The following SRGAP3 variants were observed in gnomAD, a reference collection of about 807,000 sequenced individuals.
SRGAP3 encodes SLIT-ROBO Rho GTPase activating protein 3.
In SRGAP3, 39 loss-of-function variants were observed where a neutral mutation model predicts 121.1. The ratio of observed to expected loss-of-function variants is 0.32; its 90% CI spans 0.25 to 0.42. SRGAP3 has a LOEUF of 0.42. Ranked by LOEUF, SRGAP3 falls within the 10% of genes least tolerant of loss-of-function variation. SRGAP3 has a pLI of 1.00. For synonymous variants in SRGAP3, 601 were observed against 570.0 expected (o/e 1.05, Z -0.77); for missense variants, 1,213 against 1,470.6 (o/e 0.82, Z 2.86).
intron 10 of SRGAP3, among the ~76,000 whole-genome samples, chr3:9,046,229 T>C (rs1399755461): frequency 1.3e-5 from 2 of 152,110 alleles, no homozygotes; most frequent in African/African-American, 4.8e-5. Flanking sequence ...CAGCCCTTAC[T>C]ACCTAGAACA....
intron 1 of SRGAP3, among the ~76,000 whole-genome samples, chr3:9,356,192 C>CTT (rs929664300): frequency 2.9e-4 from 35 of 122,286 alleles, no homozygotes; most frequent in Non-Finnish European, 4.1e-4. Context: ...ACTTTTTTTT[C>CTT]TTTTTTTTTT....
intron 3 of SRGAP3, among the ~76,000 whole-genome samples, chr3:9,279,510 T>C (rs1320525607): frequency 2.4e-5 from 2 of 82,206 alleles, no homozygotes; most frequent in Non-Finnish European, 5.1e-5. Context: ...AATACCCTGA[T>C]TTTTTTTTTT....
intron 3 of SRGAP3, among the ~76,000 whole-genome samples, chr3:9,293,489 C>T (rs1258177721): frequency 6.6e-6 from 1 of 152,004 alleles, no homozygotes; most frequent in Admixed American, 6.6e-5. Context: ...AACTGCTGTC[C>T]TGATCTAATT....
chr3:9,261,117 G>A (rs1449972202), intron 3 of SRGAP3, among the ~76,000 whole-genome samples: 1 of 152,222 alleles, frequency 6.6e-6, no homozygotes. Flanking sequence ...GGGCCTGTTA[G>A]AAGGAAAGCT....
chr3:8,989,105 C>T (rs2124919108), intron 21 of SRGAP3, among the ~76,000 whole-genome samples: 1 of 152,378 alleles, frequency 6.6e-6, no homozygotes, highest in South Asian at 2.1e-4. Flanking sequence ...CACTCCCTAG[C>T]ATCCTGTGGG....
intron 1 of SRGAP3, among the ~76,000 whole-genome samples, chr3:9,149,200 C>A (rs1436218466): frequency 1.4e-4 from 18 of 126,306 alleles, no homozygotes; most frequent in Admixed American, 1.3e-3. Flanking sequence ...GGTGACAGTG[C>A]AAGACTCCGT....
In SRGAP3 at chr3:9,123,573, G is replaced by C. The variant is rs981837515; in HGVS notation, c.260+1152C>G. ...AATACAAAGATTAGTTGGGCGTGGT[G>C]GTGCACGTGGAATCTCAGCTACTCA... On this transcript the variant is annotated intron_variant, in intron 2 of 21. Coordinates refer to ENST00000383836, the MANE Select transcript of SRGAP3 (RefSeq NM_014850.4). Among the ~76,000 whole-genome samples, 11 of 151,830 alleles carry C rather than the reference G, an allele frequency of 7.2e-5. No homozygotes were observed. The East Asian group carries it at 1.9e-3, about 27-fold the overall frequency.
intron 18 of SRGAP3, among the ~76,000 whole-genome samples, chr3:8,999,509 T>C (rs62245082): frequency 0.073 from 11,057 of 152,260 alleles, 402 homozygotes; most frequent in Middle Eastern, 0.13. Context: ...GATGGCTCCA[T>C]TCCTCTCAAT....
intron 13 of SRGAP3, 95 bp from the exon 14 acceptor site, chr3:9,025,433 G>C (rs1944146121): frequency 2.3e-6 from 3 of 1,306,044 alleles, no homozygotes; most frequent in Non-Finnish European, 3.3e-6. Context: ...CCCATTGCTT[G>C]TCTCTTTCTC....
chr3:9,136,354 T>C (rs1949652041), intron 1 of SRGAP3, among the ~76,000 whole-genome samples: 2 of 148,964 alleles, frequency 1.3e-5, no homozygotes, highest in Non-Finnish European at 3.0e-5. Flanking sequence ...CGGGCCGGGG[T>C]CAGCCGCCGC....
chr3:9,339,750 G>A (rs1272126190), intron 1 of SRGAP3, among the ~76,000 whole-genome samples: 2 of 152,202 alleles, frequency 1.3e-5, no homozygotes, highest in Non-Finnish European at 2.9e-5. Context: ...CTGCCAGTTT[G>A]CAACCTCTAT....
intron 3 of SRGAP3, among the ~76,000 whole-genome samples, chr3:9,264,812 A>C (rs1184180640): frequency 6.6e-6 from 1 of 152,240 alleles, no homozygotes; most frequent in Non-Finnish European, 1.5e-5. Context: ...TAATTTATAG[A>C]TTCAGTGCTA....
At chr3:9,038,714 C>A (rs556289660) in intron 10 of SRGAP3, among the ~76,000 whole-genome samples, 1 of 152,154 alleles carries the variant, frequency 6.6e-6, no homozygotes, top group Non-Finnish European at 1.5e-5. Context: ...CTCCACGAGG[C>A]CCTCCCACCT....
At chr3:9,196,299 G>A (rs1951914328) in intron 1 of SRGAP3, among the ~76,000 whole-genome samples, 1 of 152,168 alleles carries the variant, frequency 6.6e-6, no homozygotes, top group African/African-American at 2.4e-5. Context: ...CATGGCTACG[G>A]TGTGATTAAG....
chr3:9,342,126 G>C (rs1020140832), intron 1 of SRGAP3, among the ~76,000 whole-genome samples: 2 of 152,304 alleles, frequency 1.3e-5, no homozygotes, highest in South Asian at 4.1e-4. Context: ...CGAGGCAGGC[G>C]AATCACCTGA....
At chr3:9,018,401 T>C (rs1943744395) in intron 14 of SRGAP3, among the ~76,000 whole-genome samples, 1 of 152,230 alleles carries the variant, frequency 6.6e-6, no homozygotes, top group South Asian at 2.1e-4. Context: ...GTATGGTAGT[T>C]CTATTTTTAG....
chr3:9,152,216 T>G (rs1238108626), intron 1 of SRGAP3, among the ~76,000 whole-genome samples: 2 of 152,222 alleles, frequency 1.3e-5, no homozygotes, highest in Non-Finnish European at 2.9e-5. Flanking sequence ...CCCATCCACA[T>G]GTGCCTGACT....
intron 9 of SRGAP3, among the ~76,000 whole-genome samples, chr3:9,052,809 A>G (rs989682700): frequency 1.3e-5 from 2 of 152,162 alleles, no homozygotes; most frequent in African/African-American, 2.4e-5. Context: ...TTCAATAATC[A>G]TCACCCAAGA....
At chr3:8,991,746 A>G (rs1942067065) in intron 20 of SRGAP3, among the ~76,000 whole-genome samples, 2 of 152,228 alleles carry the variant, frequency 1.3e-5, no homozygotes, top group South Asian at 4.1e-4. Flanking sequence ...GGGGAGAGGG[A>G]GAGGGACCGT....
Sources: allele counts gnomAD v4.1 joint callset (sites outside exome capture counted in the v4.1 genomes callset), GRCh38; gene constraint gnomAD v4.1.1; transcripts MANE v1.5; gene names NCBI Gene and HGNC (gene_info 2026-07-23, HGNC 2026-07-21).